ADAMTS16: variants seen among roughly 807,000 people sequenced by gnomAD.
ADAMTS16 encodes the protein ADAM metallopeptidase with thrombospondin type 1 motif 16, also known as A disintegrin and metalloproteinase with thrombospondin motifs 16.
In ADAMTS16, 94 loss-of-function variants were observed where a neutral mutation model predicts 145.8. That is an observed-to-expected ratio of 0.64 (90% CI 0.55 to 0.77). The LOEUF (loss-of-function observed/expected upper bound fraction) is 0.77, where lower values mean the gene tolerates loss of function less well. ADAMTS16 is among the 30% of genes least tolerant of loss of function. The pLI is 0.00. For synonymous variants in ADAMTS16, 659 were observed against 604.3 expected (o/e 1.09, Z -1.33); for missense variants, 1,585 against 1,591.5 (o/e 1.00, Z 0.07).
chr5:5,156,021 C>G lies in ADAMTS16; in HGVS notation c.501+9566C>G, dbSNP rs555040360. Among the ~76,000 whole-genome samples, 32 of 152,274 alleles carry G rather than the reference C, an allele frequency of 2.1e-4. No individual in the cohort carries two copies. The South Asian group carries it at 6.6e-3, about 32-fold the overall frequency. On this transcript the variant is annotated intron_variant, in intron 3 of 22. Coordinates refer to ENST00000274181, the MANE Select transcript of ADAMTS16 (RefSeq NM_139056.4). ...AGACAAGAAGTCCACAAGGAACAGA[C>G]AGGAAGTGAGGCGTAGACAGTCCGC... is the stretch of plus-strand genomic sequence containing the variant.
At position 5,200,950 on chromosome 5, in the gene ADAMTS16, G is replaced by A. The variant is rs575218132; in HGVS notation, c.1451+681G>A. ...AGAGAAATGAGGAACTTTATGAAACGTTCTTAGAACTGCTAGTTTATATGC... is the reference window on the plus strand; with the variant it reads ...AGAGAAATGAGGAACTTTATGAAACATTCTTAGAACTGCTAGTTTATATGC... On this transcript the variant is annotated intron_variant, in intron 9 of 22. Transcript: ENST00000274181. 6.6e-5 allele frequency among the ~76,000 whole-genome samples: 10 copies of A among 152,294 alleles called. No homozygotes were observed. In the South Asian group the frequency reaches 1.2e-3, roughly 19 times the overall value.
At chr5:5,156,881 G>A (rs6873435) in intron 3 of ADAMTS16, among the ~76,000 whole-genome samples, 21,175 of 152,102 alleles carry the variant, frequency 0.14, 1,591 homozygotes, top group East Asian at 0.27. Flanking sequence ...TCTGTCCTTC[G>A]TGATTGTGGA....
At chr5:5,237,780 G>A (rs1351340650) in intron 14 of ADAMTS16, among the ~76,000 whole-genome samples, 1 of 152,138 alleles carries the variant, frequency 6.6e-6, no homozygotes, top group African/African-American at 2.4e-5. Context: ...AGGGCGGGCA[G>A]ACAGGGATGC....
intron 8 of ADAMTS16, among the ~76,000 whole-genome samples, chr5:5,194,784 G>T (rs1402075302): frequency 6.6e-6 from 1 of 152,164 alleles, no homozygotes. Flanking sequence ...TTATCAATGA[G>T]CTCCAAGCAG....
rs115521111 is a variant in ADAMTS16, at chr5:5,232,007, C to T, written c.1702-361C>T. ...TGTTCTGAACATGAGATGTGAAAAG[C>T]ACCTTGTTTTCAGGACAGGTCAGAG... On this transcript the variant is annotated intron_variant, in intron 11 of 22. Transcript: ENST00000274181. Among the ~76,000 whole-genome samples, 1,133 of 152,290 alleles carry T rather than the reference C, an allele frequency of 7.4e-3. 17 individuals are homozygous for T. The highest frequency in any genetic ancestry group is 0.026 in the African/African-American group (1,072 of 41,564).
chr5:5,175,432 G>A (rs528498768), intron 3 of ADAMTS16, among the ~76,000 whole-genome samples: 2 of 152,278 alleles, frequency 1.3e-5, no homozygotes, highest in South Asian at 4.1e-4. Context: ...AAGTAGAGAG[G>A]AGTCTGTCTC....
At chr5:5,233,037 C>CAA (rs71604118) in intron 12 of ADAMTS16, among the ~76,000 whole-genome samples, 5 of 152,012 alleles carry the variant, frequency 3.3e-5, no homozygotes, top group African/African-American at 7.2e-5. Context: ...CTGACCACAG[C>CAA]AAAAAAATAA....
intron 12 of ADAMTS16, among the ~76,000 whole-genome samples, chr5:5,233,646 T>A (rs1309066005): frequency 2.0e-5 from 3 of 152,208 alleles, no homozygotes; most frequent in Non-Finnish European, 4.4e-5. Flanking sequence ...CCAGGCTCCA[T>A]CCATGTTCCT....
intron 10 of ADAMTS16, among the ~76,000 whole-genome samples, chr5:5,218,659 C>T (rs1736504364): frequency 6.6e-6 from 1 of 152,190 alleles, no homozygotes. Flanking sequence ...TGGGTCACCC[C>T]TGTGGCCTCA....
rs1734233208 is a variant in ADAMTS16 at position 5,320,283 on chromosome 5, A to C, written c.*1145A>C. On this transcript the variant is annotated 3_prime_UTR_variant, in exon 23 of 23. Transcript: ENST00000274181. This position sits in a 1 kb window ranked among gnomAD's most constrained non-coding sequence, Gnocchi z 5.1. ...TTTATATTTGCTGAAGTTTTATAAT[A>C]AAGTTTATATGGTACAGTGTGCTTC... is the stretch of plus-strand genomic sequence containing the variant. 4.1e-6 allele frequency: 1 copy of C among 244,386 alleles called. No homozygotes were observed. The highest frequency in any genetic ancestry group is 5.8e-5 in the Admixed American group (1 of 17,164). 15.1% of individuals were successfully genotyped at this position (244,386 alleles called of 1,614,324 possible). A position where few individuals can be genotyped will look rare whatever the true frequency, so the allele number is the denominator to read the frequency against.
chr5:5,262,533 A>T (rs1229565445), intron 17 of ADAMTS16, 124 bp from the exon 18 acceptor site: 4 of 1,376,702 alleles, frequency 2.9e-6, no homozygotes, highest in Non-Finnish European at 3.9e-6. Context: ...CCAGTTGGTC[A>T]TTAACACAAA....
chr5:5,169,229 C>T (rs1734980676), intron 3 of ADAMTS16, among the ~76,000 whole-genome samples: 2 of 152,152 alleles, frequency 1.3e-5, no homozygotes. Flanking sequence ...TAATAATTAT[C>T]ACTATGCTCC....
chr5:5,210,541 C>T (rs745338965), intron 10 of ADAMTS16, among the ~76,000 whole-genome samples: 1 of 152,206 alleles, frequency 6.6e-6, no homozygotes, highest in Non-Finnish European at 1.5e-5. Context: ...TGTGCCCCCT[C>T]CTTCAACCCC....
chr5:5,238,461 T>C (rs1165684126), intron 14 of ADAMTS16, among the ~76,000 whole-genome samples: 1 of 152,120 alleles, frequency 6.6e-6, no homozygotes, highest in Admixed American at 6.5e-5. Context: ...TAGACATAGG[T>C]CTAAAATTTT....
chr5:5,231,468 C>T (rs1361412732), intron 11 of ADAMTS16, among the ~76,000 whole-genome samples: 1 of 151,200 alleles, frequency 6.6e-6, no homozygotes, highest in Non-Finnish European at 1.5e-5. Flanking sequence ...TCTAGTGGCT[C>T]TAATCTTGGA....
rs73738806 is a variant in ADAMTS16 at position 5,303,661 on chromosome 5, C to T, written c.3081C>T (p.Asp1027=). 1.9e-3 allele frequency: 3,008 copies of T among 1,613,952 alleles called. 52 individuals carry two copies. The African/African-American group carries it at 0.033, about 18-fold the overall frequency. The change falls in exon 20 of 23, where the codon GAC becomes GAT. Residue 1027 remains aspartate (D), a synonymous_variant. Transcript: ENST00000274181. The part of the protein sequence containing the change: ...NPSARAQLLP[D]AVCTSEPKPR... ...CGGCCAGAGCGCAGCTGCTGCCCGA[C>T]GCTGTCTGCACCTCCGAGCCCAAGC...
At chr5:5,298,400 C>T (rs16875291) in intron 18 of ADAMTS16, among the ~76,000 whole-genome samples, 4,234 of 152,310 alleles carry the variant, frequency 0.028, 82 homozygotes, top group East Asian at 0.068. Context: ...TTTGAACTTG[C>T]TTGGAGTGTA....
intron 3 of ADAMTS16, among the ~76,000 whole-genome samples, chr5:5,176,552 T>G: frequency 6.6e-6 from 1 of 151,962 alleles, no homozygotes; most frequent in Non-Finnish European, 1.5e-5. Context: ...AGGCCAGAAA[T>G]ATGGATGTTC....
intron 6 of ADAMTS16, among the ~76,000 whole-genome samples, chr5:5,189,542 C>T (rs77818570): frequency 0.018 from 2,805 of 152,188 alleles, 77 homozygotes; most frequent in African/African-American, 0.065. Flanking sequence ...TTGGAAATCC[C>T]ACTTGCTTAA....
Sources: allele counts gnomAD v4.1 joint callset (sites outside exome capture counted in the v4.1 genomes callset), GRCh38; gene constraint gnomAD v4.1.1; non-coding constraint Gnocchi (gnomAD v3.1); transcripts MANE v1.5; gene names NCBI Gene and HGNC (gene_info 2026-07-23, HGNC 2026-07-21).